CLHC1: variants seen among roughly 807,000 people sequenced by gnomAD.
CLHC1 encodes the protein clathrin heavy chain linker domain containing 1.
In CLHC1, 72 loss-of-function variants were observed where a neutral mutation model predicts 69.5. The ratio of observed to expected loss-of-function variants is 1.04; its 90% CI spans 0.86 to 1.26. CLHC1 has a LOEUF of 1.26. CLHC1 is among the 50% of genes most tolerant of loss of function. The probability of loss-of-function intolerance (pLI) is 0.00; values close to 1 mark genes in which losing one functional copy is unlikely to be tolerated. For synonymous variants in CLHC1, 223 were observed against 224.3 expected (o/e 0.99, Z 0.05); for missense variants, 790 against 679.3 (o/e 1.16, Z -1.81).
intron 7 of CLHC1, among the ~76,000 whole-genome samples, chr2:55,208,974 C>A (rs1285775269): frequency 2.7e-5 from 4 of 149,422 alleles, no homozygotes; most frequent in Non-Finnish European, 5.9e-5. Context: ...GGGTTCACAC[C>A]ATTCTCCTGC....
At chr2:55,212,132 C>A (rs1680748383) in intron 5 of CLHC1, among the ~76,000 whole-genome samples, 1 of 152,162 alleles carries the variant, frequency 6.6e-6, no homozygotes, top group South Asian at 2.1e-4. Flanking sequence ...CAAAAATTAT[C>A]TGGGCACAGT....
At chr2:55,200,804 CA>C (rs1452621912) in intron 9 of CLHC1, among the ~76,000 whole-genome samples, 3 of 152,040 alleles carry the variant, frequency 2.0e-5, no homozygotes, top group Non-Finnish European at 4.4e-5. Flanking sequence ...TTAAAACATT[CA>C]AAAAATTGAA....
Position 55,217,996 on chromosome 2 carries a change from T to C in CLHC1, c.180A>G (p.Val60=). 7.0e-7 allele frequency: 1 copy of C among 1,420,758 alleles called. No individual in the cohort carries two copies. Among genetic ancestry groups the C allele is most frequent in the Non-Finnish European group, 9.3e-7 (1 of 1,074,142 alleles). 88.0% of individuals were successfully genotyped at this position (1,420,758 alleles called of 1,614,324 possible). ...ATTTGTATGCAGTGATATGCTCTAT[T>C]ACCTGAAATATTATTTTTCTGCCTA... ...YIIYRNVFDK[V]IEHITAYKSI... The change falls in exon 4 of 13, where the codon GTA becomes GTG. Residue 60 remains valine, a splice_region_variant and synonymous_variant. Transcript: ENST00000401408.
chr2:55,200,011 C>A lies in CLHC1; in HGVS notation c.1006+6259G>T, dbSNP rs79561521. On this transcript the variant is annotated intron_variant, in intron 9 of 12. Coordinates refer to ENST00000401408, the MANE Select transcript of CLHC1 (RefSeq NM_152385.4). ...GGCCAAGGCAGGAGGATTACCTGAA[C>A]CCAGGAGTTCAAGATCAGCCCAGGC... Among the ~76,000 whole-genome samples the A allele has an allele frequency of 5.6e-3, 849 of 151,948 alleles. 60 individuals are homozygous for A. In the East Asian group the frequency reaches 0.14, roughly 25 times the overall value.
At chr2:55,204,348 G>C (rs1672238426) in intron 9 of CLHC1, among the ~76,000 whole-genome samples, 1 of 152,138 alleles carries the variant, frequency 6.6e-6, no homozygotes, top group Non-Finnish European at 1.5e-5. Context: ...ATGGCAACCA[G>C]GCATATGAAA....
At chr2:55,216,676 C>A (rs1457406299) in intron 4 of CLHC1, among the ~76,000 whole-genome samples, 1 of 150,494 alleles carries the variant, frequency 6.6e-6, no homozygotes, top group Non-Finnish European at 1.5e-5. Context: ...TGGGACCACA[C>A]CCAGCTAATT....
At chr2:55,181,373 C>T (rs900742457) in intron 10 of CLHC1, among the ~76,000 whole-genome samples, 197 bp downstream of exon 10, 2 of 152,180 alleles carry the variant, frequency 1.3e-5, no homozygotes, top group Admixed American at 1.3e-4. Context: ...AAGCGATCCT[C>T]CCACCTCTAC....
intron 9 of CLHC1, chr2:55,205,776 T>C (rs1418175123): frequency 6.6e-6 from 1 of 152,668 alleles, no homozygotes; most frequent in Admixed American, 6.6e-5. Flanking sequence ...ACACCTGTAA[T>C]CCCAGCTACT....
chr2:55,189,036 T>C (rs779117311), intron 9 of CLHC1, among the ~76,000 whole-genome samples: 3 of 152,144 alleles, frequency 2.0e-5, no homozygotes, highest in Non-Finnish European at 4.4e-5. Context: ...TATATGATAA[T>C]AGCACAAAAG....
chr2:55,209,969 C>T, intron 5 of CLHC1, 138 bp from the exon 6 acceptor site: 2 of 576,068 alleles, frequency 3.5e-6, no homozygotes, highest in South Asian at 4.8e-5. Context: ...GCTTACTGAA[C>T]ATAAGTAAAA....
At chr2:55,205,418 C>CAG (rs1050314271) in intron 9 of CLHC1, among the ~76,000 whole-genome samples, 1 of 151,456 alleles carries the variant, frequency 6.6e-6, no homozygotes, top group Non-Finnish European at 1.5e-5. Context: ...CACACACACA[C>CAG]ACACGCACAC....
chr2:55,175,961 A>C lies in CLHC1; in HGVS notation c.1590T>G (p.Asn530Lys). The C allele has an allele frequency of 6.2e-7, 1 of 1,613,936 alleles. No individual in the cohort carries two copies. Among genetic ancestry groups the C allele is most frequent in the Non-Finnish European group, 8.5e-7 (1 of 1,179,850 alleles). ...GIDAVESLMI[N>K]DSFCSIEKWQ... ...ACTTTTCTATGGAGCAAAAGGAATCATTTATCATAAGACTTTCTACTGCAT... is the reference window on the plus strand; with the variant it reads ...ACTTTTCTATGGAGCAAAAGGAATCCTTTATCATAAGACTTTCTACTGCAT... Residue 530 changes from asparagine (N) to lysine (K), a missense_variant, in exon 13 of 13, where the codon AAT becomes AAG. Asn to Lys is a moderately conservative substitution (Grantham distance 94). Transcript: ENST00000401408.
intron 9 of CLHC1, among the ~76,000 whole-genome samples, chr2:55,190,360 G>A (rs912549480): frequency 6.6e-6 from 1 of 152,034 alleles, no homozygotes; most frequent in Non-Finnish European, 1.5e-5. Flanking sequence ...AATTCTTAAT[G>A]TCTTGCATCC....
intron 1 of CLHC1, among the ~76,000 whole-genome samples, chr2:55,231,240 A>G (rs1675313806): frequency 6.8e-6 from 1 of 146,008 alleles, no homozygotes; most frequent in Non-Finnish European, 1.5e-5. Context: ...ACAGAGCGAA[A>G]TTCCGTCTCA....
At chr2:55,195,101 A>G (rs1394051409) in intron 9 of CLHC1, among the ~76,000 whole-genome samples, 1 of 152,144 alleles carries the variant, frequency 6.6e-6, no homozygotes, top group African/African-American at 2.4e-5. Context: ...CGATTATGCA[A>G]TATAGTATTA....
At chr2:55,229,166 A>AAG (rs1553362110) in intron 1 of CLHC1, among the ~76,000 whole-genome samples, 32 of 148,662 alleles carry the variant, frequency 2.2e-4, no homozygotes, top group African/African-American at 6.9e-4. Flanking sequence ...AAAAAAAAAA[A>AAG]AAAGAAAGAA....
At chr2:55,195,628 C>A (rs191850313) in intron 9 of CLHC1, among the ~76,000 whole-genome samples, 29 of 152,078 alleles carry the variant, frequency 1.9e-4, no homozygotes, top group African/African-American at 5.8e-4. Flanking sequence ...ATGGTGAAAC[C>A]CCATCTCTAC....
intron 11 of CLHC1, among the ~76,000 whole-genome samples, chr2:55,179,193 G>A (rs894556032): frequency 2.0e-5 from 3 of 152,000 alleles, no homozygotes; most frequent in African/African-American, 7.2e-5. Flanking sequence ...AACTGAAACT[G>A]TATACTTAGG....
chr2:55,183,950 T>G (rs564200376), intron 9 of CLHC1, among the ~76,000 whole-genome samples: 1 of 152,160 alleles, frequency 6.6e-6, no homozygotes, highest in African/African-American at 2.4e-5. Flanking sequence ...CCGGCTAATT[T>G]TTGTATTTTT....
Sources: allele counts gnomAD v4.1 joint callset (sites outside exome capture counted in the v4.1 genomes callset), GRCh38; gene constraint gnomAD v4.1.1; transcripts MANE v1.5; gene names NCBI Gene and HGNC (gene_info 2026-07-23, HGNC 2026-07-21).